Variants in LRRC4C observed in about 807,000 individuals in gnomAD.
The protein encoded by LRRC4C is leucine-rich repeat-containing protein 4C.
In LRRC4C, 5 loss-of-function variants were observed where a neutral mutation model predicts 33.6. The ratio of observed to expected loss-of-function variants is 0.15; its 90% CI spans 0.08 to 0.31. The LOEUF is 0.31. Among genes scored for constraint, LRRC4C ranks in the 10% least tolerant of loss-of-function variants. The pLI is 1.00. For synonymous variants in LRRC4C, 329 were observed against 302.0 expected (o/e 1.09, Z -0.93); for missense variants, 560 against 796.7 (o/e 0.70, Z 3.58).
chr11:41,028,421 T>A lies in LRRC4C; in HGVS notation c.-495-94698A>T, dbSNP rs10466468. ...ACTCTCTCAAAATCCATCTATTTGC[T>A]CTATTTCCACTTCCAGCAGCTTCGC... On this transcript the variant is annotated intron_variant, in intron 1 of 6. Coordinates refer to ENST00000528697, the MANE Select transcript of LRRC4C (RefSeq NM_001258419.2). 3.6e-3 allele frequency among the ~76,000 whole-genome samples: 550 copies of A among 151,846 alleles called. 5 individuals are homozygous for A. The highest frequency in any genetic ancestry group is 0.013 in the African/African-American group (527 of 41,506).
chr11:40,166,229 A>G (rs1859584865), intron 5 of LRRC4C, among the ~76,000 whole-genome samples: 1 of 152,196 alleles, frequency 6.6e-6, no homozygotes, highest in Non-Finnish European at 1.5e-5. Flanking sequence ...ATCCCCATTC[A>G]ATGAACAGAT....
chr11:41,008,934 G>A (rs1048872031), intron 1 of LRRC4C, among the ~76,000 whole-genome samples: 4 of 151,952 alleles, frequency 2.6e-5, no homozygotes, highest in Non-Finnish European at 4.4e-5. Flanking sequence ...CCTTTTTAAT[G>A]ATATAAATTA....
chr11:41,273,552 T>C (rs942100058), intron 1 of LRRC4C, among the ~76,000 whole-genome samples: 4 of 152,222 alleles, frequency 2.6e-5, no homozygotes, highest in South Asian at 2.1e-4. Context: ...GTCAAACTCA[T>C]AGAAGCAAAG....
chr11:40,473,214 G>A (rs1229164011), intron 3 of LRRC4C, among the ~76,000 whole-genome samples: 3 of 152,116 alleles, frequency 2.0e-5, no homozygotes, highest in Non-Finnish European at 4.4e-5. Context: ...TAAAATACTG[G>A]CAAACCAAAT....
intron 1 of LRRC4C, among the ~76,000 whole-genome samples, chr11:41,365,274 C>T (rs544121332): frequency 6.6e-6 from 1 of 151,804 alleles, no homozygotes; most frequent in East Asian, 1.9e-4. Flanking sequence ...GAATCTAATG[C>T]CTAATGATGT....
rs866789854 is a variant in LRRC4C, at chr11:40,665,367, T to A, written c.-406-17089A>T. ...ATATATATATATATATATATATGTA[T>A]ATATATATATATATATATATTATTA... On this transcript the variant is annotated intron_variant, in intron 2 of 6. Coordinates refer to ENST00000528697, the MANE Select transcript of LRRC4C (RefSeq NM_001258419.2). Among the ~76,000 whole-genome samples the A allele has an allele frequency of 4.0e-3, 132 of 32,992 alleles. 1 individual carries two copies. The highest frequency in any genetic ancestry group is 8.6e-3 in the African/African-American group (123 of 14,374). The allele number at this position is 32,992 out of a possible 152,430, so 21.6% of individuals were successfully genotyped here.
chr11:40,973,854 G>A (rs1330647882), intron 1 of LRRC4C, among the ~76,000 whole-genome samples: 1 of 151,814 alleles, frequency 6.6e-6, no homozygotes, highest in African/African-American at 2.4e-5. Flanking sequence ...AACTGTCTAG[G>A]TGGAATACTC....
At chr11:40,399,550 G>A (rs1339296771) in intron 3 of LRRC4C, among the ~76,000 whole-genome samples, 3 of 152,070 alleles carry the variant, frequency 2.0e-5, no homozygotes, top group East Asian at 1.9e-4. Flanking sequence ...GGAGGAGGGG[G>A]GAGGGATAGC....
intron 2 of LRRC4C, among the ~76,000 whole-genome samples, chr11:40,848,570 G>A (rs1299132190): frequency 1.3e-5 from 2 of 152,052 alleles, no homozygotes; most frequent in African/African-American, 4.8e-5. Flanking sequence ...CCAATTATGT[G>A]GTTGATTTTA....
intron 1 of LRRC4C, among the ~76,000 whole-genome samples, chr11:41,128,073 T>C (rs572061514): frequency 9.2e-5 from 14 of 152,100 alleles, no homozygotes; most frequent in Non-Finnish European, 1.9e-4. Context: ...ACTATTCACA[T>C]CACTGTTTAT....
At chr11:40,146,282 A>T (rs1857724997) in intron 5 of LRRC4C, among the ~76,000 whole-genome samples, 1 of 152,150 alleles carries the variant, frequency 6.6e-6, no homozygotes, top group Non-Finnish European at 1.5e-5. Context: ...TTTATTCCAC[A>T]TTTGTGCCCA....
chr11:40,499,818 C>A (rs933351377), intron 3 of LRRC4C, among the ~76,000 whole-genome samples: 4 of 152,050 alleles, frequency 2.6e-5, no homozygotes, highest in African/African-American at 9.7e-5. Flanking sequence ...CAAGCTGGAC[C>A]AACAACAAGG....
intron 1 of LRRC4C, among the ~76,000 whole-genome samples, chr11:41,080,537 G>A (rs1939496916): frequency 2.0e-5 from 3 of 151,854 alleles, no homozygotes; most frequent in Non-Finnish European, 2.9e-5. Flanking sequence ...ATTTTTAGTA[G>A]AGACGGAGTT....
intron 2 of LRRC4C, among the ~76,000 whole-genome samples, chr11:40,908,520 CA>C (rs1421877168): frequency 2.0e-5 from 3 of 151,970 alleles, no homozygotes; most frequent in Admixed American, 6.6e-5. Context: ...AGAAACAAAA[CA>C]GAACTCAAAA....
chr11:40,584,700 G>A (rs1212058505), intron 3 of LRRC4C, among the ~76,000 whole-genome samples: 3 of 152,050 alleles, frequency 2.0e-5, no homozygotes, highest in Non-Finnish European at 4.4e-5. Flanking sequence ...TGGAGGCCGA[G>A]GCGGGTGGAT....
At chr11:40,178,972 GA>G (rs1395057289) in intron 5 of LRRC4C, among the ~76,000 whole-genome samples, 2 of 150,970 alleles carry the variant, frequency 1.3e-5, no homozygotes, top group African/African-American at 4.9e-5. Context: ...ACTCACACTT[GA>G]AAAGCTATCC....
At chr11:40,472,685 A>G (rs946495454) in intron 3 of LRRC4C, among the ~76,000 whole-genome samples, 1 of 151,918 alleles carries the variant, frequency 6.6e-6, no homozygotes, top group African/African-American at 2.4e-5. Context: ...GGTTTTTTGA[A>G]AAGATTAACA....
At chr11:41,262,073 G>GA (rs1166250844) in intron 1 of LRRC4C, among the ~76,000 whole-genome samples, 3 of 152,060 alleles carry the variant, frequency 2.0e-5, no homozygotes, top group African/African-American at 7.2e-5. Flanking sequence ...ATACACTTTA[G>GA]AGAGTAGGAA....
At chr11:40,427,565 C>T (rs922153471) in intron 3 of LRRC4C, among the ~76,000 whole-genome samples, 36 of 152,134 alleles carry the variant, frequency 2.4e-4, no homozygotes, top group South Asian at 4.1e-4. Context: ...CAGTGGCTCT[C>T]GCCTGTAATC....
Sources: allele counts gnomAD v4.1 joint callset (sites outside exome capture counted in the v4.1 genomes callset), GRCh38; gene constraint gnomAD v4.1.1; transcripts MANE v1.5; gene names NCBI Gene and HGNC (gene_info 2026-07-23, HGNC 2026-07-21).